Variants in ADCY2 observed in about 807,000 individuals in gnomAD.
The protein encoded by ADCY2 is adenylate cyclase 2, also known as adenylate cyclase type 2.
ADCY2 carries 31 observed loss-of-function variants against 125.2 expected under a neutral mutation model. That is an observed-to-expected ratio of 0.25 (90% confidence interval 0.19 to 0.33). The LOEUF (loss-of-function observed/expected upper bound fraction) is 0.33, where lower values mean the gene tolerates loss of function less well. ADCY2 is among the 10% of genes least tolerant of loss of function. ADCY2 has a pLI of 1.00. For synonymous variants in ADCY2, 512 were observed against 548.4 expected, an observed-to-expected ratio of 0.93 and a Z score of 0.93; for missense variants, 904 against 1,418.2, an observed-to-expected ratio of 0.64 and a Z score of 5.82.
chr5:7,825,313 A>G (rs768434797), intron 24 of ADCY2, among the ~76,000 whole-genome samples: 5 of 146,978 alleles, frequency 3.4e-5, no homozygotes, highest in Non-Finnish European at 7.5e-5. Flanking sequence ...TGCGCCATAA[A>G]ACTGCTGTGT....
At chr5:7,755,778 C>A (rs975565294) in intron 15 of ADCY2, among the ~76,000 whole-genome samples, 1 of 152,170 alleles carries the variant, frequency 6.6e-6, no homozygotes, top group Non-Finnish European at 1.5e-5. Flanking sequence ...GACGATCATT[C>A]AACTGTTGTA....
chr5:7,554,490 G>T (rs978725855), intron 3 of ADCY2, among the ~76,000 whole-genome samples: 7 of 152,140 alleles, frequency 4.6e-5, no homozygotes, highest in African/African-American at 2.4e-5. Flanking sequence ...ATAAATAAGA[G>T]TCTAGGTGGG....
chr5:7,483,938 C>T (rs1742830272), intron 2 of ADCY2, among the ~76,000 whole-genome samples: 1 of 152,142 alleles, frequency 6.6e-6, no homozygotes. Flanking sequence ...AATTTACAAA[C>T]ATTTTTATGA....
rs1491028303 is a variant in ADCY2 at position 7,693,411 on chromosome 5, TTG to T, written c.870-2339_870-2338del. Reference sequence around the variant, plus strand: ...TTGCATCACAATTGCCTGCTGTTTTTTGTTTTTTTTTTTTTTTTTTTTTTTGA... The same window carrying T: ...TTGCATCACAATTGCCTGCTGTTTTTTTTTTTTTTTTTTTTTTTTTTTTGA... On this transcript the variant is annotated intron_variant, in intron 5 of 24. Transcript: ENST00000338316. Among the ~76,000 whole-genome samples the T allele has an allele frequency of 5.8e-3, 401 of 68,752 alleles. 21 individuals are homozygous for T. Among genetic ancestry groups the T allele is most frequent in the Non-Finnish European group, 8.0e-3 (225 of 28,022 alleles). 45.1% of individuals were successfully genotyped at this position (68,752 alleles called of 152,430 possible).
At chr5:7,450,229 G>C (rs1331938095) in intron 2 of ADCY2, among the ~76,000 whole-genome samples, 1 of 152,152 alleles carries the variant, frequency 6.6e-6, no homozygotes, top group African/African-American at 2.4e-5. Context: ...GCAGTAAACA[G>C]TTAGCCCAGT....
At chr5:7,569,107 G>A (rs1735994921) in intron 3 of ADCY2, among the ~76,000 whole-genome samples, 1 of 152,174 alleles carries the variant, frequency 6.6e-6, no homozygotes, top group African/African-American at 2.4e-5. Context: ...TGGCCTCATG[G>A]AGGGATAGAG....
rs749266162 is a variant in ADCY2 at position 7,707,739 on chromosome 5, C to T, written c.1302C>T (p.His434=). 5.0e-6 allele frequency: 8 copies of T among 1,614,094 alleles called. No individual in the cohort carries two copies. Among genetic ancestry groups the T allele is most frequent in the Non-Finnish European group, 6.8e-6 (8 of 1,180,008 alleles). The change falls in exon 9 of 25, where the codon CAC becomes CAT. Residue 434 remains histidine, a synonymous_variant. Coordinates refer to ENST00000338316, the MANE Select transcript of ADCY2 (RefSeq NM_020546.3). ...ACATTTCTTCTGTCACCCTGGAGCACTTGAATGGCGCTTATAAAGTGGAGG... is the reference window on the plus strand; with the variant it reads ...ACATTTCTTCTGTCACCCTGGAGCATTTGAATGGCGCTTATAAAGTGGAGG... The part of the protein sequence containing the change: ...RVHISSVTLE[H]LNGAYKVEEG...
intron 17 of ADCY2, among the ~76,000 whole-genome samples, chr5:7,768,822 A>G (rs1447032737): frequency 3.9e-5 from 6 of 152,216 alleles, no homozygotes; most frequent in Admixed American, 3.9e-4. Flanking sequence ...GAGGCCTTGA[A>G]GATCCTGGCC....
intron 3 of ADCY2, among the ~76,000 whole-genome samples, chr5:7,569,457 T>G (rs775031079): frequency 6.6e-6 from 1 of 152,110 alleles, no homozygotes; most frequent in Non-Finnish European, 1.5e-5. Context: ...TTAATTGCTT[T>G]AAACAATGTA....
chr5:7,566,606 AG>A (rs1162912046), intron 3 of ADCY2, among the ~76,000 whole-genome samples: 4 of 152,092 alleles, frequency 2.6e-5, no homozygotes, highest in Admixed American at 2.6e-4. Context: ...TGTAGAAATA[AG>A]CCCCACTTTG....
At chr5:7,682,735 G>A (rs1740381848) in intron 4 of ADCY2, among the ~76,000 whole-genome samples, 1 of 152,170 alleles carries the variant, frequency 6.6e-6, no homozygotes, top group Non-Finnish European at 1.5e-5. Context: ...CTGAGTTTAG[G>A]ATGGTAATGC....
chr5:7,629,589 A>T (rs1214807867), intron 4 of ADCY2, among the ~76,000 whole-genome samples: 4 of 152,224 alleles, frequency 2.6e-5, no homozygotes, highest in African/African-American at 9.6e-5. Context: ...GAACAATAAA[A>T]ATCATGACTT....
At chr5:7,601,901 C>T (rs1189859236) in intron 3 of ADCY2, among the ~76,000 whole-genome samples, 1 of 152,118 alleles carries the variant, frequency 6.6e-6, no homozygotes, top group Non-Finnish European at 1.5e-5. Context: ...TGTCATAGTT[C>T]CAAAACCCAG....
intron 4 of ADCY2, among the ~76,000 whole-genome samples, chr5:7,678,101 T>G: frequency 6.6e-6 from 1 of 152,256 alleles, no homozygotes; most frequent in East Asian, 1.9e-4. Context: ...TATTTTTTAA[T>G]GTAATATAGC....
In ADCY2 at chr5:7,633,733, A is replaced by G. The variant is rs187795400; in HGVS notation, c.720+7417A>G. Reference sequence around the variant, plus strand: ...TATTACTCCAGATTATCACAAGCAGATTTTTGTTGATAATAAGAAGCCCCC... The same window carrying G: ...TATTACTCCAGATTATCACAAGCAGGTTTTTGTTGATAATAAGAAGCCCCC... On this transcript the variant is annotated intron_variant, in intron 4 of 24. Coordinates refer to ENST00000338316, the MANE Select transcript of ADCY2 (RefSeq NM_020546.3). 3.9e-5 allele frequency among the ~76,000 whole-genome samples: 6 copies of G among 152,276 alleles called. No homozygotes were observed. In the East Asian group the frequency reaches 1.2e-3, roughly 29 times the overall value.
At chr5:7,723,396 T>C (rs140387034) in intron 12 of ADCY2, among the ~76,000 whole-genome samples, 401 of 152,324 alleles carry the variant, frequency 2.6e-3, no homozygotes, top group African/African-American at 9.4e-3. Flanking sequence ...GATGGTCTAG[T>C]TCCTGGGATG....
At chr5:7,673,285 TAA>T (rs1491296525) in intron 4 of ADCY2, among the ~76,000 whole-genome samples, 8 of 78,834 alleles carry the variant, frequency 1.0e-4, no homozygotes, top group African/African-American at 5.3e-5. Flanking sequence ...TATATATATA[TAA>T]AATTAGCCAG....
At chr5:7,478,929 T>C (rs1396673175) in intron 2 of ADCY2, among the ~76,000 whole-genome samples, 2 of 152,306 alleles carry the variant, frequency 1.3e-5, no homozygotes, top group Admixed American at 6.5e-5. Flanking sequence ...GTGTCATTTA[T>C]ACAGGTAAAA....
intron 2 of ADCY2, among the ~76,000 whole-genome samples, chr5:7,429,376 A>G (rs1167634957): frequency 1.3e-5 from 2 of 152,198 alleles, no homozygotes; most frequent in Non-Finnish European, 2.9e-5. Flanking sequence ...AAAATGAATA[A>G]GGATATAGGA....
Sources: allele counts gnomAD v4.1 joint callset (sites outside exome capture counted in the v4.1 genomes callset), GRCh38; gene constraint gnomAD v4.1.1; transcripts MANE v1.5; gene names NCBI Gene and HGNC (gene_info 2026-07-23, HGNC 2026-07-21).